SDC2: variants seen among roughly 807,000 people sequenced by gnomAD.
The protein encoded by SDC2 is syndecan 2, also known as syndecan-2.
In SDC2, 13 loss-of-function variants were observed where a neutral mutation model predicts 22.2. The observed-to-expected ratio is 0.59, with a 90% CI of 0.38 to 0.93. The LOEUF is 0.93. Ranked by LOEUF, SDC2 falls within the 40% of genes least tolerant of loss-of-function variation. SDC2 has a pLI of 0.00. For synonymous variants in SDC2, 94 were observed against 92.8 expected (o/e 1.01, Z -0.07); for missense variants, 235 against 246.8 (o/e 0.95, Z 0.32).
At chr8:96,597,755 CAG>C (rs992334447) in intron 2 of SDC2, among the ~76,000 whole-genome samples, 13 of 152,132 alleles carry the variant, frequency 8.5e-5, no homozygotes, top group African/African-American at 1.2e-4. Flanking sequence ...TGAGAAGACA[CAG>C]AGGATATTCA....
chr8:96,494,474 G>T (rs1273093310), intron 1 of SDC2, 143 bp downstream of exon 1: 3 of 724,344 alleles, frequency 4.1e-6, no homozygotes, highest in Non-Finnish European at 4.3e-6. Flanking sequence ...AAATGCGCTC[G>T]TCCGGTCACC....
chr8:96,578,727 G>A (rs1486616327), intron 1 of SDC2, among the ~76,000 whole-genome samples: 2 of 152,206 alleles, frequency 1.3e-5, no homozygotes, highest in Non-Finnish European at 2.9e-5. Context: ...CAATGGTTTA[G>A]GCCCTTGATC....
intron 1 of SDC2, among the ~76,000 whole-genome samples, chr8:96,527,218 G>A (rs138128623): frequency 0.027 from 4,068 of 150,924 alleles, 94 homozygotes; most frequent in Middle Eastern, 0.13. Context: ...AGGTTTGGGA[G>A]CTTCATTATT....
chr8:96,510,106 A>G (rs1254378303), intron 1 of SDC2, among the ~76,000 whole-genome samples: 1 of 152,220 alleles, frequency 6.6e-6, no homozygotes, highest in Non-Finnish European at 1.5e-5. Flanking sequence ...TGGTCTGGTT[A>G]CAGAAAAGCA....
chr8:96,573,394 A>G (rs1362159280), intron 1 of SDC2, among the ~76,000 whole-genome samples: 1 of 7,412 alleles, frequency 1.3e-4, no homozygotes, highest in East Asian at 1.2e-3. Context: ...TGGGTGATGA[A>G]GGGGAAACCA....
At chr8:96,558,942 T>C (rs1403247261) in intron 1 of SDC2, among the ~76,000 whole-genome samples, 1 of 152,224 alleles carries the variant, frequency 6.6e-6, no homozygotes, top group Non-Finnish European at 1.5e-5. Context: ...CAAATATTAT[T>C]TTAAAAGTCA....
chr8:96,569,914 A>G (rs1022266899), intron 1 of SDC2, among the ~76,000 whole-genome samples: 1 of 152,122 alleles, frequency 6.6e-6, no homozygotes, highest in African/African-American at 2.4e-5. Context: ...GCTCTCTGGG[A>G]AAGGAGTCCT....
chr8:96,530,479 TAAAAATTAGC>T (rs1813643459), intron 1 of SDC2, among the ~76,000 whole-genome samples: 1 of 151,992 alleles, frequency 6.6e-6, no homozygotes, highest in African/African-American at 2.4e-5. Flanking sequence ...ACTAAAAATA[TAAAAATTAGC>T]TGGACGTGTT....
At chr8:96,494,568 C>T (rs1192687813) in intron 1 of SDC2, among the ~76,000 whole-genome samples, 2 of 152,090 alleles carry the variant, frequency 1.3e-5, no homozygotes, top group African/African-American at 4.8e-5. Context: ...CCGAGAATTG[C>T]GGTTTGGTCT....
chr8:96,580,273 A>G (rs1336179166), intron 1 of SDC2: 2 of 465,184 alleles, frequency 4.3e-6, no homozygotes, highest in African/African-American at 4.2e-5. Flanking sequence ...CCTCCAAAGC[A>G]GGAGGGGCAA....
intron 1 of SDC2, among the ~76,000 whole-genome samples, chr8:96,548,356 G>A (rs867035396): frequency 4.6e-5 from 7 of 152,120 alleles, no homozygotes; most frequent in African/African-American, 1.7e-4. Context: ...AAAACTTCTT[G>A]AGCACTGACA....
chr8:96,572,623 G>A (rs1814415772), intron 1 of SDC2, among the ~76,000 whole-genome samples: 2 of 152,106 alleles, frequency 1.3e-5, no homozygotes. Flanking sequence ...CCCATGTTAT[G>A]TAATTATTGA....
intron 1 of SDC2, among the ~76,000 whole-genome samples, chr8:96,526,162 C>T (rs1813574611): frequency 6.6e-6 from 1 of 152,108 alleles, no homozygotes; most frequent in Non-Finnish European, 1.5e-5. Context: ...CTGTGGGCCT[C>T]CCCAAAGTGG....
rs35452131 is a variant in SDC2, at chr8:96,532,412, G to GTTTTTTTTTTTTTTTTTTTT, written c.60+38085_60+38104dup. Among the ~76,000 whole-genome samples the GTTTTTTTTTTTTTTTTTTTT allele has an allele frequency of 1.9e-4, 9 of 47,942 alleles. 2 individuals are homozygous for GTTTTTTTTTTTTTTTTTTTT. Among genetic ancestry groups the GTTTTTTTTTTTTTTTTTTTT allele is most frequent in the African/African-American group, 9.4e-4 (9 of 9,554 alleles). 31.5% of individuals were successfully genotyped at this position (47,942 alleles called of 152,430 possible). On this transcript the variant is annotated intron_variant, in intron 1 of 4. Transcript: ENST00000302190. ...CCTGAGTCTCTCTGCTTATTGAGGC[G>GTTTTTTTTTTTTTTTTTTTT]TTTTTTTTTTTTTTTTTTTTTTTGG...
intron 1 of SDC2, among the ~76,000 whole-genome samples, chr8:96,519,761 G>A (rs368933569): frequency 1.3e-5 from 2 of 151,872 alleles, no homozygotes; most frequent in East Asian, 1.9e-4. Flanking sequence ...TCAACCTCCT[G>A]TAGCTGGGAT....
intron 1 of SDC2, among the ~76,000 whole-genome samples, chr8:96,589,506 A>T (rs1252024496): frequency 1.3e-5 from 2 of 152,150 alleles, no homozygotes; most frequent in Non-Finnish European, 2.9e-5. Context: ...TCTGCCTCCC[A>T]GGTTCAAGTG....
intron 1 of SDC2, among the ~76,000 whole-genome samples, chr8:96,509,288 C>T (rs570017783): frequency 2.1e-5 from 3 of 142,128 alleles, no homozygotes; most frequent in South Asian, 2.3e-4. Flanking sequence ...ATAGAGCCTG[C>T]GCTAGACTCT....
At chr8:96,608,613 C>A in intron 4 of SDC2, 143 bp downstream of exon 4, 2 of 688,200 alleles carry the variant, frequency 2.9e-6, no homozygotes, top group Non-Finnish European at 4.6e-6. Flanking sequence ...GAGCGAGAAG[C>A]AAGAGGCTCA....
chr8:96,601,234 T>C (rs999887248), intron 2 of SDC2, among the ~76,000 whole-genome samples: 2 of 152,016 alleles, frequency 1.3e-5, no homozygotes, highest in Non-Finnish European at 2.9e-5. Context: ...AACAAAACAG[T>C]ATTAATAGTG....
Sources: gnomAD v4.1 joint callset for allele counts (sites outside exome capture counted in the v4.1 genomes callset) on GRCh38, gnomAD v4.1.1 for gene constraint, MANE v1.5 for transcripts, NCBI Gene and HGNC (gene_info 2026-07-23, HGNC 2026-07-21) for gene names.